Variants in FGF9 observed in about 807,000 individuals in gnomAD.
FGF9 encodes fibroblast growth factor 9 (glia-activating factor).
In FGF9, 3 loss-of-function variants were observed where a neutral mutation model predicts 19.9. The observed-to-expected ratio is 0.15, with a 90% CI of 0.07 to 0.39. The LOEUF is 0.39. Ranked by LOEUF, FGF9 falls within the 10% of genes least tolerant of loss-of-function variation. FGF9 has a pLI of 1.00. For missense variants in FGF9, 175 were observed against 256.8 expected, an observed-to-expected ratio of 0.68 and a Z score of 2.18; for synonymous variants, 107 against 106.9, an observed-to-expected ratio of 1.00 and a Z score of -0.01.
intron 2 of FGF9, among the ~76,000 whole-genome samples, chr13:21,700,320 C>T (rs754837204): frequency 6.6e-6 from 1 of 152,132 alleles, no homozygotes; most frequent in African/African-American, 2.4e-5. Flanking sequence ...CAGGAAAACT[C>T]AGTCATGATA....
chr13:21,675,134 C>A (rs1871879874), intron 1 of FGF9, among the ~76,000 whole-genome samples: 1 of 151,712 alleles, frequency 6.6e-6, no homozygotes, highest in Non-Finnish European at 1.5e-5. Flanking sequence ...GCTAGCCCGT[C>A]GGCCTGGCGT....
intron 2 of FGF9, among the ~76,000 whole-genome samples, chr13:21,684,185 A>G (rs1006433702): frequency 2.6e-5 from 4 of 152,226 alleles, no homozygotes; most frequent in African/African-American, 7.2e-5. Context: ...TTCTAATCCT[A>G]TTTATTCTAG....
Position 21,671,751 on chromosome 13 carries a change from C to T in FGF9, c.-162C>T. ...CCTGTGCCAGTGAAACAGCAGATTA[C>T]TTTTATTTATGCATTTAATGGATTG... On this transcript the variant is annotated 5_prime_UTR_variant, in exon 1 of 3. Transcript: ENST00000382353. The T allele has an allele frequency of 1.3e-6, 1 of 784,506 alleles. No individual in the cohort carries two copies. Among genetic ancestry groups the T allele is most frequent in the Non-Finnish European group, 2.1e-6 (1 of 481,176 alleles). 48.6% of individuals were successfully genotyped at this position (784,506 alleles called of 1,614,324 possible). A position where few individuals can be genotyped will look rare whatever the true frequency, so the allele number is the denominator to read the frequency against.
Position 21,703,655 on chromosome 13 carries a change from A to G in FGF9, c.*2220A>G, listed in dbSNP as rs1872593631. The G allele has an allele frequency of 1.3e-5, 2 of 152,048 alleles. No homozygotes were observed. Among genetic ancestry groups the G allele is most frequent in the Admixed American group, 6.6e-5 (1 of 15,266 alleles). 9.4% of individuals were successfully genotyped at this position (152,048 alleles called of 1,614,324 possible). ...AAGGCATTTTTTTTTTGGCTGAAAA[A>G]TATTAAACATTTGACCACAGGGAAG... On this transcript the variant is annotated 3_prime_UTR_variant, in exon 3 of 3. Coordinates refer to ENST00000382353, the MANE Select transcript of FGF9 (RefSeq NM_002010.3).
In FGF9 at chr13:21,701,441, A is replaced by G. The variant is rs745830165; in HGVS notation, c.*6A>G. 1.9e-6 allele frequency: 3 copies of G among 1,613,948 alleles called. No individual in the cohort carries two copies. The highest frequency in any genetic ancestry group is 2.5e-6 in the Non-Finnish European group (3 of 1,179,970). On this transcript the variant is annotated 3_prime_UTR_variant, in exon 3 of 3. Coordinates refer to ENST00000382353, the MANE Select transcript of FGF9 (RefSeq NM_002010.3). ...ATATTCTAAGCCAAAGTTGACAAAG[A>G]CAGTTTCTTCACTTGAGCCCTTAAA... is the stretch of plus-strand genomic sequence containing the variant.
chr13:21,691,994 G>A lies in FGF9; in HGVS notation c.382-9196G>A, dbSNP rs201594237. Among the ~76,000 whole-genome samples, 2 of 85,812 alleles carry A rather than the reference G, an allele frequency of 2.3e-5. No homozygotes were observed. Among genetic ancestry groups the A allele is most frequent in the African/African-American group, 9.7e-5 (2 of 20,550 alleles). The allele number at this position is 85,812 out of a possible 152,430, so 56.3% of individuals were successfully genotyped here. A position where few individuals can be genotyped will look rare whatever the true frequency, so the allele number is the denominator to read the frequency against. ...CCCTTTTAATCTTTTTTTTTTTTTT[G>A]TAATTCTTCATTGAAATCTCTGTTG... On this transcript the variant is annotated intron_variant, in intron 2 of 2. Transcript: ENST00000382353. This position sits in a 1 kb window ranked among gnomAD's most constrained non-coding sequence, Gnocchi z 4.2.
rs151213502 is a variant in FGF9 at position 21,704,380 on chromosome 13, T to A, written c.*2945T>A. Reference sequence around the variant, plus strand: ...AATGGCTGCCTTCTGGTGTTTTTATTCTATTTCATCTCATTAACACTACAA... The same window carrying A: ...AATGGCTGCCTTCTGGTGTTTTTATACTATTTCATCTCATTAACACTACAA... On this transcript the variant is annotated 3_prime_UTR_variant, in exon 3 of 3. Coordinates refer to ENST00000382353, the MANE Select transcript of FGF9 (RefSeq NM_002010.3). 24 of 152,346 alleles carry A rather than the reference T, an allele frequency of 1.6e-4. 1 individual carries two copies. The East Asian group carries it at 4.6e-3, about 29-fold the overall frequency. The allele number at this position is 152,346 out of a possible 1,614,324, so 9.4% of individuals were successfully genotyped here.
intron 1 of FGF9, among the ~76,000 whole-genome samples, chr13:21,674,665 T>G (rs928944397): frequency 6.6e-6 from 1 of 151,852 alleles, no homozygotes; most frequent in African/African-American, 2.4e-5. Context: ...TTATGGGATA[T>G]TCTAGTTGGC....
At chr13:21,683,554 A>G (rs771310787) in intron 2 of FGF9, among the ~76,000 whole-genome samples, 4 of 152,204 alleles carry the variant, frequency 2.6e-5, no homozygotes, top group Non-Finnish European at 5.9e-5. Context: ...CCACTGCCAT[A>G]CAGCTGCACA....
chr13:21,698,089 T>C (rs1226184128), intron 2 of FGF9, among the ~76,000 whole-genome samples: 1 of 152,348 alleles, frequency 6.6e-6, no homozygotes, highest in Admixed American at 6.5e-5. Flanking sequence ...ATTACAGGCG[T>C]GAGCCACTGC....
At chr13:21,683,133 G>A (rs1872081918) in intron 2 of FGF9, among the ~76,000 whole-genome samples, 1 of 152,194 alleles carries the variant, frequency 6.6e-6, no homozygotes, top group African/African-American at 2.4e-5. Flanking sequence ...GAGCTGACCA[G>A]TCTTTCAGAT....
rs748760841 is a variant in FGF9, at chr13:21,701,453, C to T, written c.*18C>T. ...AAAGTTGACAAAGACAGTTTCTTCA[C>T]TTGAGCCCTTAAAAAAGTAACCACT... On this transcript the variant is annotated 3_prime_UTR_variant, in exon 3 of 3. Coordinates refer to ENST00000382353, the MANE Select transcript of FGF9 (RefSeq NM_002010.3). 1.2e-6 allele frequency: 2 copies of T among 1,613,996 alleles called. No individual in the cohort carries two copies. The highest frequency in any genetic ancestry group is 1.3e-5 in the African/African-American group (1 of 75,016).
At position 21,671,332 on chromosome 13, in the gene FGF9, G is replaced by T. The variant is rs1871761679; in HGVS notation, c.-581G>T. 2.6e-6 allele frequency: 1 copy of T among 388,484 alleles called. No individual in the cohort carries two copies. The highest frequency in any genetic ancestry group is 4.5e-6 in the Non-Finnish European group (1 of 220,772). The allele number at this position is 388,484 out of a possible 1,614,324, so 24.1% of individuals were successfully genotyped here. ...TTTATTATTATTATCATTTTTTGGA[G>T]GGGGGACCGGGAGGGGAGATTTGTC... On this transcript the variant is annotated 5_prime_UTR_variant, in exon 1 of 3. In the 5' UTR this introduces an upstream ATG that the reference lacks. Transcript: ENST00000382353.
intron 2 of FGF9, among the ~76,000 whole-genome samples, chr13:21,695,117 A>T (rs528175214): frequency 9.1e-4 from 131 of 144,350 alleles, no homozygotes; most frequent in African/African-American, 2.8e-3. Context: ...TGTGTGTGTG[A>T]GAGAGACTAG....
At chr13:21,694,365 T>C (rs1454939622) in intron 2 of FGF9, among the ~76,000 whole-genome samples, 1 of 152,300 alleles carries the variant, frequency 6.6e-6, no homozygotes, top group South Asian at 2.1e-4. Context: ...GTCTGGTACA[T>C]TAAAAAAAAT....
chr13:21,683,549 G>A (rs1872090671), intron 2 of FGF9, among the ~76,000 whole-genome samples: 1 of 152,206 alleles, frequency 6.6e-6, no homozygotes, highest in African/African-American at 2.4e-5. Flanking sequence ...TGTCACCACT[G>A]CCATACAGCT....
chr13:21,693,549 T>C (rs1872340880), intron 2 of FGF9, among the ~76,000 whole-genome samples: 1 of 152,214 alleles, frequency 6.6e-6, no homozygotes, highest in Non-Finnish European at 1.5e-5. Flanking sequence ...GAGTGTGCTA[T>C]GACATTGCTA....
At position 21,671,978 on chromosome 13, in the gene FGF9, G is replaced by A; in HGVS notation, c.66G>A (p.Val22=). ...AGGATGCGGTACCGTTTGGGAATGTGCCCGTGTTGCCGGTGGACAGCCCGG... is the reference window on the plus strand; with the variant it reads ...AGGATGCGGTACCGTTTGGGAATGTACCCGTGTTGCCGGTGGACAGCCCGG... ...GVQDAVPFGN[V]PVLPVDSPVL... Residue 22 remains valine, a synonymous_variant, in exon 1 of 3, where the codon GTG becomes GTA. Transcript: ENST00000382353. 1 of 1,614,188 alleles carries A rather than the reference G, an allele frequency of 6.2e-7. No individual in the cohort carries two copies. The highest frequency in any genetic ancestry group is 8.5e-7 in the Non-Finnish European group (1 of 1,180,026).
chr13:21,694,569 G>A (rs1469220168), intron 2 of FGF9, among the ~76,000 whole-genome samples: 1 of 152,078 alleles, frequency 6.6e-6, no homozygotes, highest in East Asian at 1.9e-4. Context: ...ACTGAGTAAT[G>A]TTTAATTTGA....
Sources: gnomAD v4.1 joint callset for allele counts (sites outside exome capture counted in the v4.1 genomes callset) on GRCh38, gnomAD v4.1.1 for gene constraint, Gnocchi (gnomAD v3.1) non-coding constraint, MANE v1.5 for transcripts, NCBI Gene and HGNC (gene_info 2026-07-23, HGNC 2026-07-21) for gene names.